WDHD1: variants seen among roughly 807,000 people sequenced by gnomAD.
The protein encoded by WDHD1 is WD repeat and HMG-box DNA binding protein 1.
Under a neutral mutation model 135.4 loss-of-function variants are expected in WDHD1, and 111 were observed. The observed-to-expected ratio is 0.82, with a 90% CI of 0.70 to 0.96. WDHD1 has a LOEUF of 0.96. WDHD1 is among the 40% of genes least tolerant of loss of function. The pLI is 0.00. For synonymous variants in WDHD1, 434 were observed against 439.0 expected (o/e 0.99, Z 0.14); for missense variants, 1,351 against 1,336.3 (o/e 1.01, Z -0.17).
At chr14:54,981,905 T>A (rs571162628) in intron 15 of WDHD1, among the ~76,000 whole-genome samples, 1 of 152,234 alleles carries the variant, frequency 6.6e-6, no homozygotes, top group East Asian at 1.9e-4. Flanking sequence ...TTGGATTTGA[T>A]ATGACTAAAA....
intron 10 of WDHD1, among the ~76,000 whole-genome samples, chr14:54,998,219 A>T (rs368204303): frequency 1.1e-4 from 15 of 137,658 alleles, no homozygotes; most frequent in East Asian, 6.1e-4. Context: ...AAAAAAAAAA[A>T]TTTTTAATGG....
chr14:54,955,471 T>G, intron 24 of WDHD1, 90 bp downstream of exon 24: 1 of 1,291,732 alleles, frequency 7.7e-7, no homozygotes, highest in Non-Finnish European at 1.0e-6. Flanking sequence ...TTATTTGTAT[T>G]AAGGAATAAC....
At chr14:54,954,672 T>G (rs1179518165) in intron 24 of WDHD1, among the ~76,000 whole-genome samples, 7 of 152,362 alleles carry the variant, frequency 4.6e-5, no homozygotes, top group African/African-American at 1.7e-4. Context: ...TATCTATCCA[T>G]CCATTTATGT....
chr14:55,022,576 G>A (rs2042366990), intron 2 of WDHD1, among the ~76,000 whole-genome samples: 1 of 151,974 alleles, frequency 6.6e-6, no homozygotes, highest in Non-Finnish European at 1.5e-5. Flanking sequence ...CAGCTACTCG[G>A]GAGGCTGAGG....
At chr14:55,011,173 C>T (rs2140224571) in intron 3 of WDHD1, among the ~76,000 whole-genome samples, 1 of 152,266 alleles carries the variant, frequency 6.6e-6, no homozygotes, top group East Asian at 1.9e-4. Context: ...CTTTTTCCTC[C>T]TTTACAGTCT....
rs189998270 is a variant in WDHD1 at position 54,988,199 on chromosome 14, G to C, written c.1527-812C>G. Among the ~76,000 whole-genome samples, 384 of 151,534 alleles carry C rather than the reference G, an allele frequency of 2.5e-3. 3 individuals are homozygous for C. The highest frequency in any genetic ancestry group is 8.9e-3 in the African/African-American group (366 of 41,170). ...AAAATATTAAGTAGAAAAAGCAAAC[G>C]GGTGACTAGTACATTTTTTGGTTTG... is the stretch of plus-strand genomic sequence containing the variant. On this transcript the variant is annotated intron_variant, in intron 13 of 25. Coordinates refer to ENST00000360586, the MANE Select transcript of WDHD1 (RefSeq NM_007086.4).
chr14:54,989,216 C>G lies in WDHD1; in HGVS notation c.1342-4G>C. The stretch of plus-strand genomic sequence containing the variant: ...TAATTCCAATAGAGTTCCACACCTA[C>G]AAACAGGTAAGATTAAATATAAGTC... On this transcript the variant is annotated splice_polypyrimidine_tract_variant and splice_region_variant and intron_variant, in intron 12 of 25. Coordinates refer to ENST00000360586, the MANE Select transcript of WDHD1 (RefSeq NM_007086.4). 1 of 1,607,702 alleles carries G rather than the reference C, an allele frequency of 6.2e-7. No individual in the cohort carries two copies. Among genetic ancestry groups the G allele is most frequent in the East Asian group, 2.2e-5 (1 of 44,650 alleles).
rs561106789 is a variant in WDHD1 at position 55,020,925 on chromosome 14, T to C, written c.77+5786A>G. Among the ~76,000 whole-genome samples, 2 of 152,294 alleles carry C rather than the reference T, an allele frequency of 1.3e-5. 1 individual carries two copies. Among genetic ancestry groups the C allele is most frequent in the African/African-American group, 4.8e-5 (2 of 41,562 alleles). ...AAGAGGAGAAAAAATATTTACTATT[T>C]ATTAAGTGGAAGTAGATCATCATAA... On this transcript the variant is annotated intron_variant, in intron 2 of 25. Coordinates refer to ENST00000360586, the MANE Select transcript of WDHD1 (RefSeq NM_007086.4).
At chr14:55,014,418 T>TA (rs1270468195) in intron 2 of WDHD1, among the ~76,000 whole-genome samples, 2 of 152,224 alleles carry the variant, frequency 1.3e-5, no homozygotes, top group East Asian at 3.8e-4. Context: ...TGTAAGAATG[T>TA]AAGAAAGATG....
At chr14:54,959,097 A>T (rs1376349744) in intron 21 of WDHD1, among the ~76,000 whole-genome samples, 1 of 152,110 alleles carries the variant, frequency 6.6e-6, no homozygotes, top group Non-Finnish European at 1.5e-5. Context: ...CTTTCCTGGC[A>T]TGGTGGCTTA....
chr14:54,991,436 A>G (rs751247153), intron 11 of WDHD1, 36 bp from the exon 12 acceptor site: 1 of 1,579,378 alleles, frequency 6.3e-7, no homozygotes, highest in South Asian at 1.1e-5. Context: ...GGGAATCACG[A>G]ATACCAATGA....
intron 14 of WDHD1, 68 bp downstream of exon 14, chr14:54,987,077 CA>C: frequency 1.3e-6 from 2 of 1,574,800 alleles, no homozygotes; most frequent in South Asian, 1.2e-5. Context: ...AAAAGAGTAA[CA>C]AAAACAGCAA....
intron 25 of WDHD1, 78 bp from the exon 26 acceptor site, chr14:54,941,768 C>T: frequency 2.4e-6 from 3 of 1,259,726 alleles, no homozygotes; most frequent in Non-Finnish European, 3.3e-6. Flanking sequence ...ATTTACTTTT[C>T]CAGGTAATAT....
intron 8 of WDHD1, among the ~76,000 whole-genome samples, chr14:55,001,832 A>G (rs1421109333): frequency 6.6e-6 from 1 of 152,232 alleles, no homozygotes; most frequent in African/African-American, 2.4e-5. Flanking sequence ...TCACTTAACA[A>G]TAAAGGCTAA....
rs1566736833 is a variant in WDHD1 at position 55,002,188 on chromosome 14, A to G, written c.601-3T>C. On this transcript the variant is annotated splice_region_variant and splice_polypyrimidine_tract_variant and intron_variant, in intron 7 of 25. Transcript: ENST00000360586. ...TTTTCCACAGGAATTGCCAGTAACTATTAGAAAAGATAAACAACGTAAACA... is the reference window on the plus strand; with the variant it reads ...TTTTCCACAGGAATTGCCAGTAACTGTTAGAAAAGATAAACAACGTAAACA... 3.2e-6 allele frequency: 5 copies of G among 1,570,530 alleles called. No individual in the cohort carries two copies. Among genetic ancestry groups the G allele is most frequent in the Non-Finnish European group, 2.6e-6 (3 of 1,157,536 alleles).
chr14:55,026,932 C>T, intron 1 of WDHD1, 96 bp downstream of exon 1: 1 of 804,550 alleles, frequency 1.2e-6, no homozygotes. Context: ...ACCCGAGTGA[C>T]ACCAGCGGGA....
intron 7 of WDHD1, among the ~76,000 whole-genome samples, chr14:55,003,012 T>C (rs541296885): frequency 1.3e-5 from 2 of 152,222 alleles, no homozygotes; most frequent in Non-Finnish European, 2.9e-5. Flanking sequence ...TATCTTCTTA[T>C]GCATTATTCT....
intron 24 of WDHD1, among the ~76,000 whole-genome samples, chr14:54,946,289 C>T (rs1369033771): frequency 6.6e-6 from 1 of 152,246 alleles, no homozygotes; most frequent in African/African-American, 2.4e-5. Flanking sequence ...TGGGCTTAAG[C>T]AACCCTTCTG....
At chr14:54,982,519 C>T (rs1167626203) in intron 15 of WDHD1, among the ~76,000 whole-genome samples, 1 of 152,096 alleles carries the variant, frequency 6.6e-6, no homozygotes, top group East Asian at 1.9e-4. Flanking sequence ...CCTCGTAAAA[C>T]AGGGAAGCAT....
Sources: gnomAD v4.1 joint callset for allele counts (sites outside exome capture counted in the v4.1 genomes callset) on GRCh38, gnomAD v4.1.1 for gene constraint, MANE v1.5 for transcripts, NCBI Gene and HGNC (gene_info 2026-07-23, HGNC 2026-07-21) for gene names.